MDGA2: variants seen among roughly 807,000 people sequenced by gnomAD.
The protein encoded by MDGA2 is MAM domain containing glycosylphosphatidylinositol anchor 2.
Under a neutral mutation model 117.8 loss-of-function variants are expected in MDGA2, and 40 were observed. That is an observed-to-expected ratio of 0.34 (90% CI 0.26 to 0.44). The LOEUF is 0.44. Among genes scored for constraint, MDGA2 ranks in the 20% least tolerant of loss-of-function variants. MDGA2 has a pLI of 1.00. For synonymous variants in MDGA2, 452 were observed against 439.0 expected (o/e 1.03, Z -0.37); for missense variants, 1,123 against 1,250.6 (o/e 0.90, Z 1.54).
chr14:47,400,754 TTTTC>T (rs1415755583), intron 1 of MDGA2, among the ~76,000 whole-genome samples: 24 of 13,218 alleles, frequency 1.8e-3, no homozygotes, highest in East Asian at 6.3e-3. Context: ...TTTTCTTTTC[TTTTC>T]TTTTTTTTTT....
At chr14:47,102,420 C>A (rs1468845835) in intron 5 of MDGA2, among the ~76,000 whole-genome samples, 1 of 149,736 alleles carries the variant, frequency 6.7e-6, no homozygotes, top group African/African-American at 2.5e-5. Flanking sequence ...CACAAACTAA[C>A]TAAATAAATA....
intron 1 of MDGA2, among the ~76,000 whole-genome samples, chr14:47,545,927 T>G (rs1365052577): frequency 6.6e-6 from 1 of 152,146 alleles, no homozygotes; most frequent in Non-Finnish European, 1.5e-5. Flanking sequence ...GTATTTTAAG[T>G]GTTCATCTCA....
intron 15 of MDGA2, among the ~76,000 whole-genome samples, chr14:46,848,189 A>G (rs1880918516): frequency 6.6e-6 from 1 of 152,058 alleles, no homozygotes; most frequent in South Asian, 2.1e-4. Context: ...AAATCCTTTT[A>G]TTAGGAAGGA....
At chr14:47,002,671 G>GT (rs1887574168) in intron 8 of MDGA2, among the ~76,000 whole-genome samples, 1 of 151,974 alleles carries the variant, frequency 6.6e-6, no homozygotes, top group South Asian at 2.1e-4. Context: ...GGAGGTTGCA[G>GT]TGAGTCGAGA....
chr14:46,942,883 G>C (rs1885047925), intron 9 of MDGA2, among the ~76,000 whole-genome samples: 1 of 152,062 alleles, frequency 6.6e-6, no homozygotes, highest in Non-Finnish European at 1.5e-5. Context: ...GTGTATACAT[G>C]TGCTTTCATT....
chr14:46,898,281 A>T (rs1200344178), intron 10 of MDGA2, among the ~76,000 whole-genome samples: 1 of 152,052 alleles, frequency 6.6e-6, no homozygotes, highest in Non-Finnish European at 1.5e-5. Context: ...AAGAAATTGA[A>T]GTTAGTGATG....
intron 2 of MDGA2, among the ~76,000 whole-genome samples, chr14:47,229,892 A>T (rs1387128592): frequency 6.6e-6 from 1 of 152,012 alleles, no homozygotes; most frequent in Non-Finnish European, 1.5e-5. Context: ...TTTTTCCCAT[A>T]GCTTCAAAAG....
At chr14:47,044,398 C>T (rs929115804) in intron 7 of MDGA2, among the ~76,000 whole-genome samples, 1 of 151,976 alleles carries the variant, frequency 6.6e-6, no homozygotes. Context: ...GTAATTTGTC[C>T]ACTCCATGAC....
At chr14:47,471,177 T>C (rs953303285) in intron 1 of MDGA2, among the ~76,000 whole-genome samples, 13 of 152,092 alleles carry the variant, frequency 8.5e-5, no homozygotes, top group African/African-American at 3.1e-4. Flanking sequence ...AGATGGCTGT[T>C]AGAATAAAAA....
chr14:47,565,346 T>C (rs1014529535), intron 1 of MDGA2, among the ~76,000 whole-genome samples: 3 of 152,192 alleles, frequency 2.0e-5, no homozygotes, highest in South Asian at 2.1e-4. Context: ...GGCAGTTTGA[T>C]TGTGGCATAA....
At chr14:47,349,002 T>G (rs541029822) in intron 1 of MDGA2, among the ~76,000 whole-genome samples, 1 of 152,332 alleles carries the variant, frequency 6.6e-6, no homozygotes, top group African/African-American at 2.4e-5. Flanking sequence ...AAATCAATCT[T>G]TTTGTTTATT....
intron 3 of MDGA2, among the ~76,000 whole-genome samples, chr14:47,173,000 A>C (rs1263376909): frequency 6.6e-6 from 1 of 152,250 alleles, no homozygotes; most frequent in Non-Finnish European, 1.5e-5. Flanking sequence ...TATGTGAAGA[A>C]TGCAGAAGCC....
At chr14:47,626,800 C>G (rs1897152664) in intron 1 of MDGA2, among the ~76,000 whole-genome samples, 1 of 152,232 alleles carries the variant, frequency 6.6e-6, no homozygotes, top group Admixed American at 6.5e-5. Flanking sequence ...ATCCCCCACC[C>G]TCTGTGGGCT....
In MDGA2 at chr14:47,382,046, C is replaced by G. The variant is rs183603000; in HGVS notation, c.281-80496G>C. On this transcript the variant is annotated intron_variant, in intron 1 of 16. Transcript: ENST00000399232. ...CAGAACAGAGCCCTCAAAAATAATA[C>G]CACACATCTACAACAATCTGATCTT... Among the ~76,000 whole-genome samples the G allele has an allele frequency of 8.9e-4, 135 of 152,212 alleles. 1 individual carries two copies. Among genetic ancestry groups the G allele is most frequent in the African/African-American group, 2.8e-3 (115 of 41,540 alleles).
intron 14 of MDGA2, among the ~76,000 whole-genome samples, chr14:46,861,853 G>C (rs1881521740): frequency 6.6e-6 from 1 of 151,884 alleles, no homozygotes; most frequent in African/African-American, 2.4e-5. Flanking sequence ...AGAAATCAGT[G>C]CCAAAAGATA....
chr14:47,038,662 A>C (rs1048362653), intron 7 of MDGA2, among the ~76,000 whole-genome samples: 2 of 151,902 alleles, frequency 1.3e-5, no homozygotes, highest in African/African-American at 4.8e-5. Flanking sequence ...CCTAGGCTAG[A>C]TGCGGTGGCT....
In MDGA2 at chr14:47,303,267, A is replaced by G. The variant is rs193167759; in HGVS notation, c.281-1717T>C. 5.3e-5 allele frequency among the ~76,000 whole-genome samples: 8 copies of G among 152,302 alleles called. No homozygotes were observed. In the East Asian group the frequency reaches 1.5e-3, roughly 29 times the overall value. Reference sequence around the variant, plus strand: ...AGAAAAATACTCCAAGGAATAAAATATCCTTTTCCTTTGTCTTTTTAAAGT... The same window carrying G: ...AGAAAAATACTCCAAGGAATAAAATGTCCTTTTCCTTTGTCTTTTTAAAGT... On this transcript the variant is annotated intron_variant, in intron 1 of 16. Coordinates refer to ENST00000399232, the MANE Select transcript of MDGA2 (RefSeq NM_001113498.3).
At chr14:46,903,189 T>C (rs1883356963) in intron 10 of MDGA2, among the ~76,000 whole-genome samples, 1 of 152,212 alleles carries the variant, frequency 6.6e-6, no homozygotes, top group South Asian at 2.1e-4. Flanking sequence ...TCCTGTCACC[T>C]TTCAATGTGT....
At chr14:47,527,867 A>G (rs1895005144) in intron 1 of MDGA2, among the ~76,000 whole-genome samples, 1 of 152,212 alleles carries the variant, frequency 6.6e-6, no homozygotes, top group Admixed American at 6.5e-5. Flanking sequence ...TAATTTGGAC[A>G]TGAGAGAGAG....
Sources: gnomAD v4.1 joint callset for allele counts (sites outside exome capture counted in the v4.1 genomes callset) on GRCh38, gnomAD v4.1.1 for gene constraint, MANE v1.5 for transcripts, NCBI Gene and HGNC (gene_info 2026-07-23, HGNC 2026-07-21) for gene names.